Variants in PRKCE observed in about 807,000 individuals in gnomAD.
PRKCE encodes protein kinase C epsilon.
In PRKCE, 16 loss-of-function variants were observed where a neutral mutation model predicts 85.4. That is an observed-to-expected ratio of 0.19 (90% CI 0.13 to 0.28). PRKCE has a LOEUF of 0.28. PRKCE is among the 10% of genes least tolerant of loss of function. PRKCE has a pLI of 1.00. For missense variants in PRKCE, 573 were observed against 975.2 expected, an observed-to-expected ratio of 0.59 and a Z score of 5.49; for synonymous variants, 388 against 371.5, an observed-to-expected ratio of 1.04 and a Z score of -0.51.
intron 1 of PRKCE, among the ~76,000 whole-genome samples, chr2:45,664,489 T>C (rs975705526): frequency 2.6e-5 from 4 of 152,244 alleles, no homozygotes; most frequent in Admixed American, 1.3e-4. Context: ...ATTTTATTAG[T>C]AATAACCAAC....
intron 1 of PRKCE, among the ~76,000 whole-genome samples, chr2:45,816,268 C>T (rs1421763304): frequency 6.6e-6 from 1 of 152,116 alleles, no homozygotes; most frequent in Non-Finnish European, 1.5e-5. Context: ...CTCAGCCCTG[C>T]TATGAATATA....
At chr2:45,884,045 G>C (rs995325019) in intron 2 of PRKCE, among the ~76,000 whole-genome samples, 1 of 152,166 alleles carries the variant, frequency 6.6e-6, no homozygotes, top group Non-Finnish European at 1.5e-5. Flanking sequence ...TGGCGTTGTG[G>C]ACTGCCATCC....
chr2:45,744,543 T>TTTTTCTTTCC (rs1682970312), intron 1 of PRKCE, among the ~76,000 whole-genome samples: 2 of 83,384 alleles, frequency 2.4e-5, no homozygotes, highest in Non-Finnish European at 4.9e-5. Flanking sequence ...TCCTTCTTTC[T>TTTTTCTTTCC]TTCTTTCTTC....
intron 11 of PRKCE, among the ~76,000 whole-genome samples, chr2:46,141,273 G>A (rs1675497757): frequency 6.6e-6 from 1 of 152,122 alleles, no homozygotes; most frequent in Admixed American, 6.5e-5. Flanking sequence ...TTATTATATA[G>A]CCACAATAAA....
At position 46,159,577 on chromosome 2, in the gene PRKCE, T is replaced by C; in HGVS notation, c.1921-29T>C. 6.4e-7 allele frequency: 1 copy of C among 1,561,840 alleles called. No individual in the cohort carries two copies. Among genetic ancestry groups the C allele is most frequent in the Non-Finnish European group, 8.6e-7 (1 of 1,160,842 alleles). ...CCTGTGCTGGCCAGGCCTTTGTCACTAATTCCGACTCTGTCCTCATCCCTG... is the reference window on the plus strand; with the variant it reads ...CCTGTGCTGGCCAGGCCTTTGTCACCAATTCCGACTCTGTCCTCATCCCTG... On this transcript the variant is annotated intron_variant, in intron 13 of 14. Transcript: ENST00000306156. This position sits in a 1 kb window ranked among gnomAD's most constrained non-coding sequence, Gnocchi z 4.1.
intron 10 of PRKCE, among the ~76,000 whole-genome samples, chr2:46,027,064 G>C (rs1001125444): frequency 3.3e-5 from 5 of 152,180 alleles, no homozygotes; most frequent in African/African-American, 1.2e-4. Context: ...AGCTACTCTG[G>C]AGGCTAAGGT....
chr2:45,971,403 T>C (rs182716260), intron 2 of PRKCE, among the ~76,000 whole-genome samples: 1 of 152,344 alleles, frequency 6.6e-6, no homozygotes, highest in African/African-American at 2.4e-5. Flanking sequence ...CTTCTTTTTT[T>C]CGTTTTTTAG....
At chr2:46,044,540 C>G (rs1291904115) in intron 10 of PRKCE, among the ~76,000 whole-genome samples, 1 of 152,140 alleles carries the variant, frequency 6.6e-6, no homozygotes, top group Admixed American at 6.5e-5. Flanking sequence ...TCAGATTTCT[C>G]TCTTCACCAT....
intron 5 of PRKCE, among the ~76,000 whole-genome samples, chr2:45,983,523 G>C (rs1438893989): frequency 2.0e-5 from 3 of 152,182 alleles, no homozygotes; most frequent in Non-Finnish European, 4.4e-5. Flanking sequence ...TAGCCCAGCA[G>C]ACCCTTGCTT....
intron 1 of PRKCE, among the ~76,000 whole-genome samples, chr2:45,733,217 G>T (rs1173181042): frequency 6.6e-6 from 1 of 152,192 alleles, no homozygotes; most frequent in Non-Finnish European, 1.5e-5. Flanking sequence ...CAGAGATTCT[G>T]ACTTGCTTCC....
intron 2 of PRKCE, among the ~76,000 whole-genome samples, chr2:45,933,648 T>G (rs144778211): frequency 0.042 from 6,375 of 151,902 alleles, 165 homozygotes; most frequent in East Asian, 0.12. Flanking sequence ...TAATTTTTTT[T>G]TGTGTTTTTA....
In PRKCE at chr2:45,904,800, C is replaced by A. The variant is rs187591072; in HGVS notation, c.412+61737C>A. 5.9e-3 allele frequency among the ~76,000 whole-genome samples: 897 copies of A among 152,292 alleles called. 9 individuals carry two copies. Among genetic ancestry groups the A allele is most frequent in the African/African-American group, 0.021 (866 of 41,550 alleles). On this transcript the variant is annotated intron_variant, in intron 2 of 14. Coordinates refer to ENST00000306156, the MANE Select transcript of PRKCE (RefSeq NM_005400.3). ...GTCTCCCCGCTGCCCCAGAAGCCTG[C>A]CTTTTCTCCAGCCCTGCATGGGACA...
chr2:45,944,714 C>T (rs1231784378), intron 2 of PRKCE, among the ~76,000 whole-genome samples: 1 of 121,758 alleles, frequency 8.2e-6, no homozygotes, highest in African/African-American at 3.2e-5. Flanking sequence ...GTTGCCTAGG[C>T]TAGTCTCGAA....
chr2:45,935,522 C>T (rs541684630), intron 2 of PRKCE, among the ~76,000 whole-genome samples: 1 of 152,152 alleles, frequency 6.6e-6, no homozygotes, highest in Non-Finnish European at 1.5e-5. Flanking sequence ...CACGGTGGCT[C>T]ACGCCTATAA....
intron 14 of PRKCE, among the ~76,000 whole-genome samples, chr2:46,169,824 C>T (rs1352872252): frequency 2.6e-5 from 4 of 152,146 alleles, no homozygotes; most frequent in Non-Finnish European, 5.9e-5. Flanking sequence ...AGAAGACAGT[C>T]ACCCCAAAAT....
intron 2 of PRKCE, among the ~76,000 whole-genome samples, chr2:45,869,185 T>A (rs1175669018): frequency 6.6e-6 from 1 of 152,226 alleles, no homozygotes; most frequent in South Asian, 2.1e-4. Context: ...TTTGGCTAAA[T>A]ACTTCAAATT....
chr2:46,067,216 T>A (rs953630934), intron 10 of PRKCE, among the ~76,000 whole-genome samples: 2 of 152,252 alleles, frequency 1.3e-5, no homozygotes, highest in African/African-American at 4.8e-5. Flanking sequence ...AGCCTGGTCC[T>A]ATACAAGATA....
intron 1 of PRKCE, among the ~76,000 whole-genome samples, chr2:45,695,341 A>T (rs1016440806): frequency 2.6e-5 from 4 of 152,210 alleles, no homozygotes; most frequent in Non-Finnish European, 4.4e-5. Context: ...CTGGAGGTAG[A>T]GAGGTCAACT....
chr2:45,822,795 T>C (rs1249387842), intron 1 of PRKCE, among the ~76,000 whole-genome samples: 1 of 152,232 alleles, frequency 6.6e-6, no homozygotes, highest in Non-Finnish European at 1.5e-5. Context: ...TGCTTGCTTT[T>C]TAACCTTCTG....
Sources: allele counts gnomAD v4.1 joint callset (sites outside exome capture counted in the v4.1 genomes callset), GRCh38; gene constraint gnomAD v4.1.1; non-coding constraint Gnocchi (gnomAD v3.1); transcripts MANE v1.5; gene names NCBI Gene and HGNC (gene_info 2026-07-23, HGNC 2026-07-21).